The following PRKG1 variants were observed in gnomAD, a reference collection of about 807,000 sequenced individuals.
PRKG1 encodes the protein cGMP-dependent protein kinase 1.
Under a neutral mutation model 88.1 loss-of-function variants are expected in PRKG1, and 35 were observed. The observed-to-expected ratio is 0.40, with a 90% CI of 0.30 to 0.53. PRKG1 has a LOEUF of 0.53. Among genes scored for constraint, PRKG1 ranks in the 20% least tolerant of loss-of-function variants. The probability of loss-of-function intolerance (pLI) is 0.59; values close to 1 mark genes in which losing one functional copy is unlikely to be tolerated. For synonymous variants in PRKG1, 303 were observed against 292.5 expected (o/e 1.04, Z -0.37); for missense variants, 540 against 839.8 (o/e 0.64, Z 4.41).
At chr10:51,749,606 G>A (rs1395118519) in intron 3 of PRKG1, among the ~76,000 whole-genome samples, 3 of 152,184 alleles carry the variant, frequency 2.0e-5, no homozygotes, top group Admixed American at 1.3e-4. Flanking sequence ...ACCTGTGAAT[G>A]GACAGGGAGG....
intron 1 of PRKG1, among the ~76,000 whole-genome samples, chr10:51,108,203 C>T (rs112864769): frequency 3.4e-4 from 52 of 152,200 alleles, no homozygotes; most frequent in African/African-American, 1.1e-3. Context: ...ATTCTGTACA[C>T]ACTCTTACAG....
chr10:51,530,593 T>C (rs574226980), intron 3 of PRKG1, among the ~76,000 whole-genome samples: 20 of 152,318 alleles, frequency 1.3e-4, no homozygotes, highest in Admixed American at 3.3e-4. Flanking sequence ...GTGACCGTCA[T>C]CATGGTCACC....
At chr10:52,205,799 T>A (rs1356584496) in intron 9 of PRKG1, among the ~76,000 whole-genome samples, 1 of 152,198 alleles carries the variant, frequency 6.6e-6, no homozygotes. Context: ...CCTGATGGGA[T>A]TCCTTTTGTA....
At chr10:51,392,516 C>G (rs1588908443) in intron 2 of PRKG1, among the ~76,000 whole-genome samples, 1 of 152,230 alleles carries the variant, frequency 6.6e-6, no homozygotes, top group Middle Eastern at 3.4e-3. Context: ...AATGAAAAGT[C>G]TCCCATGTCT....
intron 2 of PRKG1, among the ~76,000 whole-genome samples, chr10:51,249,062 T>C (rs867710569): frequency 1.3e-5 from 2 of 151,854 alleles, no homozygotes; most frequent in African/African-American, 4.8e-5. Context: ...ATTTATCATT[T>C]ATAAAATTTT....
chr10:51,356,206 A>G (rs1842362602), intron 2 of PRKG1, among the ~76,000 whole-genome samples: 2 of 152,058 alleles, frequency 1.3e-5, no homozygotes, highest in Non-Finnish European at 2.9e-5. Context: ...GTGAACCAGA[A>G]TGGTTGATGA....
chr10:51,296,430 T>G (rs1353061143), intron 2 of PRKG1, among the ~76,000 whole-genome samples: 1 of 152,148 alleles, frequency 6.6e-6, no homozygotes, highest in Admixed American at 6.5e-5. Context: ...TTGTAGAAAT[T>G]TATTTATTTC....
chr10:51,506,844 A>G (rs1489384577), intron 3 of PRKG1, among the ~76,000 whole-genome samples: 1 of 152,158 alleles, frequency 6.6e-6, no homozygotes, highest in East Asian at 1.9e-4. Flanking sequence ...ATAAAGACAT[A>G]TGCACACATA....
intron 2 of PRKG1, among the ~76,000 whole-genome samples, chr10:51,185,128 T>C (rs1319446396): frequency 3.3e-5 from 5 of 152,186 alleles, no homozygotes; most frequent in Non-Finnish European, 7.3e-5. Flanking sequence ...ATAGCTAAAC[T>C]TGCAGATATT....
chr10:51,867,900 A>AT (rs1215158791), intron 4 of PRKG1, among the ~76,000 whole-genome samples: 1 of 152,212 alleles, frequency 6.6e-6, no homozygotes, highest in Non-Finnish European at 1.5e-5. Context: ...ATTTAGTTAC[A>AT]TTTTATTTAA....
rs554575266 is a variant in PRKG1 at position 51,234,274 on chromosome 10, A to G, written c.478+80944A>G. Among the ~76,000 whole-genome samples the G allele has an allele frequency of 2.7e-4, 41 of 152,218 alleles. No individual in the cohort carries two copies. In the South Asian group the frequency reaches 5.8e-3, roughly 22 times the overall value. Reference sequence around the variant, plus strand: ...TGTGTCAGACAATTTTCTTCTGCTTATGGTTGGGGCCACTCCTCACCTTTA... The same window carrying G: ...TGTGTCAGACAATTTTCTTCTGCTTGTGGTTGGGGCCACTCCTCACCTTTA... On this transcript the variant is annotated intron_variant, in intron 2 of 17. Transcript: ENST00000373980.
chr10:51,639,400 C>T (rs1839737752), intron 3 of PRKG1, among the ~76,000 whole-genome samples: 2 of 120,628 alleles, frequency 1.7e-5, no homozygotes, highest in African/African-American at 3.2e-5. Flanking sequence ...TGCCACTACA[C>T]TCCAGCCTGG....
At chr10:51,154,236 ATTC>A (rs1375188416) in intron 2 of PRKG1, among the ~76,000 whole-genome samples, 1 of 151,902 alleles carries the variant, frequency 6.6e-6, no homozygotes, top group African/African-American at 2.4e-5. Flanking sequence ...AAAAGAAGAT[ATTC>A]TTTCTTTCTG....
chr10:51,874,081 A>G (rs1421048918), intron 4 of PRKG1, among the ~76,000 whole-genome samples: 1 of 152,196 alleles, frequency 6.6e-6, no homozygotes, highest in Non-Finnish European at 1.5e-5. Flanking sequence ...ATTTGAGCCA[A>G]ATTTAACAGC....
At chr10:51,965,243 C>T (rs1221016562) in intron 5 of PRKG1, among the ~76,000 whole-genome samples, 5 of 152,084 alleles carry the variant, frequency 3.3e-5, no homozygotes, top group African/African-American at 7.2e-5. Flanking sequence ...CACTCTCCAC[C>T]CTCTGATATG....
intron 2 of PRKG1, among the ~76,000 whole-genome samples, chr10:51,459,314 G>A (rs984568080): frequency 1.3e-5 from 2 of 152,072 alleles, no homozygotes. Context: ...CTGTATATTA[G>A]ACATCCTTTT....
chr10:51,257,022 A>T (rs1033820261), intron 2 of PRKG1, among the ~76,000 whole-genome samples: 1 of 152,200 alleles, frequency 6.6e-6, no homozygotes, highest in Non-Finnish European at 1.5e-5. Context: ...CATGAAGAGA[A>T]GAAAGCGATA....
intron 2 of PRKG1, among the ~76,000 whole-genome samples, chr10:51,155,729 A>C (rs1053466959): frequency 1.3e-5 from 2 of 151,962 alleles, no homozygotes; most frequent in African/African-American, 4.8e-5. Flanking sequence ...GAGATGCTGC[A>C]ATTCGAGTCT....
intron 3 of PRKG1, among the ~76,000 whole-genome samples, chr10:51,704,974 A>T (rs1034115911): frequency 6.6e-6 from 1 of 152,128 alleles, no homozygotes; most frequent in African/African-American, 2.4e-5. Context: ...TTTAATCTAA[A>T]TTGTGGTGGT....
Sources: allele counts gnomAD v4.1 joint callset (sites outside exome capture counted in the v4.1 genomes callset), GRCh38; gene constraint gnomAD v4.1.1; transcripts MANE v1.5; gene names NCBI Gene and HGNC (gene_info 2026-07-23, HGNC 2026-07-21).